Variants in TENM2 observed in about 807,000 individuals in gnomAD.
The protein encoded by TENM2 is teneurin transmembrane protein 2.
Under a neutral mutation model 245.2 loss-of-function variants are expected in TENM2, and 52 were observed. That is an observed-to-expected ratio of 0.21 (90% confidence interval 0.17 to 0.27). The LOEUF is 0.27. Ranked by LOEUF, TENM2 falls within the 10% of genes least tolerant of loss-of-function variation. TENM2 has a pLI of 1.00. For synonymous variants in TENM2, 1,363 were observed against 1,438.9 expected, an observed-to-expected ratio of 0.95 and a Z score of 1.19; for missense variants, 3,046 against 3,666.8, an observed-to-expected ratio of 0.83 and a Z score of 4.37.
intron 1 of TENM2, among the ~76,000 whole-genome samples, chr5:167,323,415 C>T (rs1390991602): frequency 6.6e-6 from 1 of 152,090 alleles, no homozygotes; most frequent in Non-Finnish European, 1.5e-5. Context: ...TGCATACATA[C>T]ATATATAATA....
intron 1 of TENM2, among the ~76,000 whole-genome samples, chr5:167,335,829 A>C (rs1336437013): frequency 6.6e-6 from 1 of 152,132 alleles, no homozygotes; most frequent in Non-Finnish European, 1.5e-5. Flanking sequence ...CCTTCTGTGT[A>C]TTGTTCTCAG....
chr5:167,868,736 T>TAAAAAA (rs11345222), intron 2 of TENM2, among the ~76,000 whole-genome samples: 1 of 123,468 alleles, frequency 8.1e-6, no homozygotes, highest in African/African-American at 3.0e-5. Context: ...AGATTCTGTC[T>TAAAAAA]AAAAAAAAAA....
At position 168,145,824 on chromosome 5, in the gene TENM2, C is replaced by G. The variant is rs1477665827; in HGVS notation, c.2423-16787C>G. 2.3e-4 allele frequency among the ~76,000 whole-genome samples: 34 copies of G among 149,626 alleles called. 1 individual carries two copies. Among genetic ancestry groups the G allele is most frequent in the African/African-American group, 8.4e-4 (34 of 40,628 alleles). On this transcript the variant is annotated intron_variant, in intron 12 of 28. Coordinates refer to ENST00000518659, the Ensembl canonical transcript of TENM2. ...TTCCTACCCATGAGCATGGAAGGTT[C>G]TTCCATTTGTTTGTATCCTCTTTTA...
chr5:167,000,208 A>T, the TENM2 span, among the ~76,000 whole-genome samples: 1 of 152,176 alleles, frequency 6.6e-6, no homozygotes, highest in East Asian at 1.9e-4. Context: ...GAAAATGGGA[A>T]CAGGGATCCC....
In TENM2 at chr5:167,969,464, T is replaced by C. The variant is rs146198618; in HGVS notation, c.947+16642T>C. Among the ~76,000 whole-genome samples, 1,235 of 152,308 alleles carry C rather than the reference T, an allele frequency of 8.1e-3. 16 individuals carry two copies. The highest frequency in any genetic ancestry group is 0.027 in the African/African-American group (1,129 of 41,558). ...AGTCCATTAAACCTCTTTCTCTTTA[T>C]AAATTACCCAGTCTCGGGTATGTCT... On this transcript the variant is annotated intron_variant, in intron 4 of 28. Transcript: ENST00000518659.
the TENM2 span, among the ~76,000 whole-genome samples, chr5:167,162,986 A>G: frequency 2.0e-5 from 3 of 152,342 alleles, no homozygotes; most frequent in Non-Finnish European, 1.5e-5. Flanking sequence ...CATGAAACAT[A>G]CATTTGGGAG....
chr5:167,792,387 G>T (rs559536103), intron 2 of TENM2, among the ~76,000 whole-genome samples: 194 of 152,172 alleles, frequency 1.3e-3, no homozygotes, highest in African/African-American at 4.4e-3. Context: ...GGCACATTTT[G>T]GGAGGAGATT....
intron 2 of TENM2, among the ~76,000 whole-genome samples, chr5:167,493,944 G>A (rs1001968042): frequency 6.6e-6 from 1 of 152,064 alleles, no homozygotes; most frequent in African/African-American, 2.4e-5. Context: ...CTGGCTAAGG[G>A]GATGATATGA....
chr5:167,793,640 G>C lies in TENM2; in HGVS notation c.503-82346G>C, dbSNP rs377276349. ...ACTTGAGCCCAGGAGTTCGAGACCA[G>C]CCTGGGCAACATGGTGAAACCCCGT... is the stretch of plus-strand genomic sequence containing the variant. On this transcript the variant is annotated intron_variant, in intron 2 of 28. Coordinates refer to ENST00000518659, the Ensembl canonical transcript of TENM2. 3.4e-4 allele frequency among the ~76,000 whole-genome samples: 51 copies of C among 151,880 alleles called. No homozygotes were observed. The East Asian group carries it at 8.1e-3, about 24-fold the overall frequency.
chr5:167,628,028 C>T (rs1403917875), intron 2 of TENM2, among the ~76,000 whole-genome samples: 5 of 152,172 alleles, frequency 3.3e-5, no homozygotes, highest in African/African-American at 9.7e-5. Context: ...AGTGTCTTTC[C>T]GGATTATGCT....
chr5:167,640,868 T>TCC (rs1779531303), intron 2 of TENM2, among the ~76,000 whole-genome samples: 1 of 34,822 alleles, frequency 2.9e-5, no homozygotes, highest in African/African-American at 2.9e-4. Context: ...TCCATATATA[T>TCC]ATATATATAT....
intron 1 of TENM2, among the ~76,000 whole-genome samples, chr5:167,366,477 G>C (rs1005863830): frequency 2.0e-5 from 3 of 152,074 alleles, no homozygotes; most frequent in African/African-American, 7.2e-5. Context: ...CCGCTGCTTT[G>C]TGTCATTCAG....
At chr5:167,090,390 A>G in the TENM2 span, among the ~76,000 whole-genome samples, 1 of 152,164 alleles carries the variant, frequency 6.6e-6, no homozygotes, top group East Asian at 1.9e-4. Flanking sequence ...TAATAAAGGC[A>G]ATTTCTATGA....
chr5:167,595,262 T>C (rs768793771), intron 2 of TENM2, among the ~76,000 whole-genome samples: 1 of 152,200 alleles, frequency 6.6e-6, no homozygotes, highest in African/African-American at 2.4e-5. Flanking sequence ...GACTATAAGA[T>C]GTAAAATTAC....
At chr5:167,242,084 G>A in the TENM2 span, among the ~76,000 whole-genome samples, 6 of 139,430 alleles carry the variant, frequency 4.3e-5, no homozygotes, top group African/African-American at 1.1e-4. Context: ...TGCTCTTGTC[G>A]CTCAGACTAG....
chr5:167,177,976 G>A, the TENM2 span, among the ~76,000 whole-genome samples: 1 of 151,718 alleles, frequency 6.6e-6, no homozygotes, highest in Non-Finnish European at 1.5e-5. Context: ...TAACATGAAT[G>A]GTAACAGCAT....
chr5:167,176,794 A>G, the TENM2 span, among the ~76,000 whole-genome samples: 3 of 152,206 alleles, frequency 2.0e-5, no homozygotes, highest in South Asian at 2.1e-4. Context: ...AAAGATATCA[A>G]TATAATAACT....
At chr5:167,510,692 GGAAA>G (rs1383510418) in intron 2 of TENM2, among the ~76,000 whole-genome samples, 4 of 151,916 alleles carry the variant, frequency 2.6e-5, no homozygotes, top group African/African-American at 7.3e-5. Flanking sequence ...GAAAGAGAGA[GGAAA>G]GAAAGAAAGT....
At chr5:168,153,606 G>A (rs116376812) in intron 12 of TENM2, among the ~76,000 whole-genome samples, 2,274 of 152,316 alleles carry the variant, frequency 0.015, 61 homozygotes, top group African/African-American at 0.051. Context: ...GACATGAGAA[G>A]AGAGAAATGG....
Sources: allele counts gnomAD v4.1 joint callset (sites outside exome capture counted in the v4.1 genomes callset), GRCh38; gene constraint gnomAD v4.1.1; transcripts MANE v1.5; gene names NCBI Gene and HGNC (gene_info 2026-07-23, HGNC 2026-07-21).